The following HDAC9 variants were observed in gnomAD, a reference collection of about 807,000 sequenced individuals.
HDAC9 encodes the protein MEF-2 interacting transcription repressor (MITR) protein.
In HDAC9, 41 loss-of-function variants were observed where a neutral mutation model predicts 139.4. That is an observed-to-expected ratio of 0.29 (90% CI 0.23 to 0.38). The LOEUF is 0.38. Among genes scored for constraint, HDAC9 ranks in the 10% least tolerant of loss-of-function variants. The probability of loss-of-function intolerance (pLI) is 1.00; values close to 1 mark genes in which losing one functional copy is unlikely to be tolerated. For synonymous variants in HDAC9, 517 were observed against 476.2 expected (o/e 1.09, Z -1.12); for missense variants, 1,147 against 1,297.0 (o/e 0.88, Z 1.78).
chr7:18,567,279 TC>T lies in HDAC9; in HGVS notation c.23-17996del, dbSNP rs534659430. ...GCATGGGGTTCTATGGCTATACTTC[TC>T]CCCCCTAACTGGGCAAGGCGAGGAA... is the stretch of plus-strand genomic sequence containing the variant. On this transcript the variant is annotated intron_variant, in intron 2 of 25. Transcript: ENST00000686413. 8.0e-3 allele frequency among the ~76,000 whole-genome samples: 1,222 copies of T among 152,098 alleles called. 15 individuals carry two copies. The highest frequency in any genetic ancestry group is 0.028 in the African/African-American group (1,166 of 41,486).
chr7:18,458,849 G>T (rs1793584167), intron 1 of HDAC9: 1 of 1,534,726 alleles, frequency 6.5e-7, no homozygotes, highest in Non-Finnish European at 8.7e-7. Flanking sequence ...CAGACCTCAT[G>T]TGGAACCTTG....
intron 14 of HDAC9, among the ~76,000 whole-genome samples, chr7:18,756,619 C>T (rs1788898578): frequency 6.6e-6 from 1 of 152,142 alleles, no homozygotes; most frequent in African/African-American, 2.4e-5. Context: ...CACATAGAAT[C>T]CTATCATCTT....
chr7:18,547,855 C>CCTTT (rs1322457363), intron 2 of HDAC9, among the ~76,000 whole-genome samples: 1 of 135,850 alleles, frequency 7.4e-6, no homozygotes, highest in African/African-American at 2.9e-5. Flanking sequence ...TTCCTTCCTT[C>CCTTT]CTACCCTCCC....
rs147840943 is a variant in HDAC9 at position 18,784,943 on chromosome 7, TTGTG to T, written c.2215-8374_2215-8371del. Among the ~76,000 whole-genome samples the T allele has an allele frequency of 5.3e-3, 149 of 28,166 alleles. No individual in the cohort carries two copies. In the Middle Eastern group the frequency reaches 0.11, roughly 21 times the overall value. 18.5% of individuals were successfully genotyped at this position (28,166 alleles called of 152,430 possible). On this transcript the variant is annotated intron_variant, in intron 16 of 25. Coordinates refer to ENST00000686413, the MANE Select transcript of HDAC9 (RefSeq NM_178425.4). ...TTGGCTTTTAATAGGTAGCAATTGC[TTGTG>T]TGTGTGTGTGTGTGTGTGTGTGTGT... is the stretch of plus-strand genomic sequence containing the variant.
chr7:18,354,679 TTTG>T (rs1402451725), intron 1 of HDAC9, among the ~76,000 whole-genome samples: 1 of 152,216 alleles, frequency 6.6e-6, no homozygotes, highest in African/African-American at 2.4e-5. Flanking sequence ...TTTTGTCTAA[TTTG>T]TTTTATTTTA....
intron 1 of HDAC9, among the ~76,000 whole-genome samples, chr7:18,469,333 A>G (rs1048755860): frequency 6.6e-6 from 1 of 152,182 alleles, no homozygotes; most frequent in Non-Finnish European, 1.5e-5. Flanking sequence ...GGAACTTTAT[A>G]TTATTATTCA....
intron 1 of HDAC9, among the ~76,000 whole-genome samples, chr7:18,161,869 T>C (rs1436447323): frequency 1.3e-5 from 2 of 152,228 alleles, no homozygotes; most frequent in South Asian, 2.1e-4. Flanking sequence ...GAGATACTTA[T>C]ATGCAAAAAT....
chr7:18,808,492 A>G (rs754140081), intron 17 of HDAC9, among the ~76,000 whole-genome samples: 3 of 152,166 alleles, frequency 2.0e-5, no homozygotes, highest in Non-Finnish European at 2.9e-5. Context: ...CAAATCACAT[A>G]CAAAAATCAG....
chr7:18,360,690 T>C (rs1404949025), intron 1 of HDAC9, among the ~76,000 whole-genome samples: 1 of 152,220 alleles, frequency 6.6e-6, no homozygotes, highest in Non-Finnish European at 1.5e-5. Context: ...TACAGCACTC[T>C]TGGCACCACT....
chr7:18,507,022 A>G (rs1799975925), intron 2 of HDAC9, among the ~76,000 whole-genome samples: 1 of 152,036 alleles, frequency 6.6e-6, no homozygotes, highest in Admixed American at 6.6e-5. Context: ...TTGTGTTTTA[A>G]TGTTAAATTC....
chr7:18,185,213 G>A lies in HDAC9; in HGVS notation c.25+22864G>A, dbSNP rs1400674081. Among the ~76,000 whole-genome samples the A allele has an allele frequency of 2.0e-5, 3 of 152,310 alleles. No homozygotes were observed. In the East Asian group the frequency reaches 5.8e-4, roughly 29 times the overall value. On this transcript the variant is annotated intron_variant, in intron 2 of 12. Coordinates refer to the HDAC9 transcript ENST00000417496. ...TTGTTATTTGAAAGACATCAGGAAA[G>A]CCACTGATTCTCAGTTTGGACTATA...
In HDAC9 at chr7:18,989,142, C is replaced by T. The variant is rs1017872007; in HGVS notation, c.3171-6881C>T. On this transcript the variant is annotated intron_variant, in intron 25 of 25. Transcript: ENST00000686413. ...TGGTGATTTTGCTCGTTCGTTGATG[C>T]AGTTTCTTCCTAGTCTCGATGGTCT... is the stretch of plus-strand genomic sequence containing the variant. Among the ~76,000 whole-genome samples the T allele has an allele frequency of 6.1e-5, 9 of 147,120 alleles. 1 individual carries two copies. Among genetic ancestry groups the T allele is most frequent in the Admixed American group, 2.7e-4 (4 of 14,722 alleles).
At chr7:18,720,028 T>G (rs140504844) in intron 12 of HDAC9, among the ~76,000 whole-genome samples, 6 of 152,206 alleles carry the variant, frequency 3.9e-5, no homozygotes, top group African/African-American at 1.4e-4. Context: ...AGGAACACAC[T>G]GTTTTAATTA....
At chr7:18,435,451 A>C (rs1791102038) in intron 1 of HDAC9, among the ~76,000 whole-genome samples, 1 of 152,144 alleles carries the variant, frequency 6.6e-6, no homozygotes, top group African/African-American at 2.4e-5. Flanking sequence ...TATGGTAACT[A>C]GGGTCAATTA....
chr7:18,980,785 T>TCTTCTTC (rs556013660), intron 25 of HDAC9, among the ~76,000 whole-genome samples: 1,913 of 149,868 alleles, frequency 0.013, 30 homozygotes, highest in South Asian at 0.022. Flanking sequence ...TTCCTCTTCT[T>TCTTCTTC]CTTCTTCCTT....
At chr7:18,829,065 T>G in intron 17 of HDAC9, 96 bp from the exon 18 acceptor site, 2 of 838,756 alleles carry the variant, frequency 2.4e-6, no homozygotes, top group South Asian at 1.3e-5. Flanking sequence ...TTTGTGTGTG[T>G]GTGCCTGAGG....
intron 2 of HDAC9, among the ~76,000 whole-genome samples, chr7:18,265,411 G>A (rs190574772): frequency 9.2e-5 from 14 of 152,192 alleles, no homozygotes; most frequent in Admixed American, 7.8e-4. Flanking sequence ...TATTTAGAAC[G>A]CCAGAGTACC....
At chr7:18,979,095 C>A (rs550509510) in intron 25 of HDAC9, among the ~76,000 whole-genome samples, 3 of 152,082 alleles carry the variant, frequency 2.0e-5, no homozygotes, top group Non-Finnish European at 4.4e-5. Context: ...CTTTTGGCAA[C>A]CTTTCTCATG....
At chr7:18,156,337 G>A (rs1787199676) in intron 1 of HDAC9, among the ~76,000 whole-genome samples, 1 of 152,206 alleles carries the variant, frequency 6.6e-6, no homozygotes, top group Admixed American at 6.5e-5. Flanking sequence ...GTCTGGGGAT[G>A]TCTGGTGTCT....
Sources: allele counts gnomAD v4.1 joint callset (sites outside exome capture counted in the v4.1 genomes callset), GRCh38; gene constraint gnomAD v4.1.1; transcripts MANE v1.5; gene names NCBI Gene and HGNC (gene_info 2026-07-23, HGNC 2026-07-21).